The following TTC6 variants were observed in gnomAD, a reference collection of about 807,000 sequenced individuals.
TTC6 encodes tetratricopeptide repeat domain 6.
In TTC6, 172 loss-of-function variants were observed where a neutral mutation model predicts 210.4. The observed-to-expected ratio is 0.82, with a 90% confidence interval of 0.72 to 0.93. The LOEUF (loss-of-function observed/expected upper bound fraction) is 0.93, where lower values mean the gene tolerates loss of function less well. Ranked by LOEUF, TTC6 falls within the 40% of genes least tolerant of loss-of-function variation. The pLI is 0.00. For missense variants in TTC6, 2,414 were observed against 2,318.1 expected (o/e 1.04, Z -0.85); for synonymous variants, 804 against 819.6 (o/e 0.98, Z 0.32).
At chr14:37,819,479 G>C (rs1236598294) in intron 26 of TTC6, among the ~76,000 whole-genome samples, 2 of 152,008 alleles carry the variant, frequency 1.3e-5, no homozygotes, top group Non-Finnish European at 2.9e-5. Flanking sequence ...GTATATCTCT[G>C]GTTCTCACTC....
intron 7 of TTC6, among the ~76,000 whole-genome samples, chr14:37,735,324 G>A (rs2095898674): frequency 2.6e-5 from 4 of 151,994 alleles, no homozygotes; most frequent in African/African-American, 2.4e-5. Flanking sequence ...TAATCTACCC[G>A]GGTGTCGAAT....
intron 10 of TTC6, among the ~76,000 whole-genome samples, chr14:37,747,754 A>G (rs1192979627): frequency 2.0e-5 from 3 of 152,192 alleles, no homozygotes; most frequent in Middle Eastern, 3.2e-3. Flanking sequence ...ATGAATATGG[A>G]GGTGCAAACG....
intron 16 of TTC6, 142 bp downstream of exon 18, chr14:37,790,979 C>G: frequency 1.4e-6 from 1 of 705,736 alleles, no homozygotes; most frequent in Non-Finnish European, 2.2e-6. Context: ...AATTAGAATA[C>G]TACTTCTAAA....
At chr14:37,711,837 A>T (rs573113929) in intron 5 of TTC6, among the ~76,000 whole-genome samples, 72 of 152,236 alleles carry the variant, frequency 4.7e-4, no homozygotes, top group African/African-American at 1.6e-3. Flanking sequence ...GAGAGAAGAT[A>T]CAGTGAACAG....
At chr14:37,705,892 T>G (rs568780820) in intron 5 of TTC6, among the ~76,000 whole-genome samples, 95 of 152,244 alleles carry the variant, frequency 6.2e-4, no homozygotes, top group Admixed American at 1.2e-3. Context: ...GTTTTAGATC[T>G]TTGGTACTCA....
At chr14:37,732,977 G>A (rs2095891951) in intron 7 of TTC6, among the ~76,000 whole-genome samples, 1 of 152,140 alleles carries the variant, frequency 6.6e-6, no homozygotes, top group Non-Finnish European at 1.5e-5. Context: ...TGTTACAGGG[G>A]TGGCAGAGGT....
chr14:37,745,863 T>C (rs1235802450), intron 10 of TTC6, among the ~76,000 whole-genome samples: 1 of 152,150 alleles, frequency 6.6e-6, no homozygotes, highest in Non-Finnish European at 1.5e-5. Context: ...TGCCCAACCT[T>C]CCTGTTAAGA....
At chr14:37,683,051 A>G (rs2095787400) in intron 3 of TTC6, 87 bp downstream of exon 5, 2 of 1,205,028 alleles carry the variant, frequency 1.7e-6, no homozygotes, top group South Asian at 2.7e-5. Flanking sequence ...GCAAGGACCA[A>G]CGTATGGGGC....
chr14:37,655,291 AC>A (rs1261937093), intron 1 of TTC6, among the ~76,000 whole-genome samples: 4 of 152,244 alleles, frequency 2.6e-5, no homozygotes, highest in African/African-American at 9.6e-5. Context: ...AAGAGCAAAA[AC>A]AAAAAACCAT....
chr14:37,616,422 T>C (rs1014941356), intron 2 of TTC6, among the ~76,000 whole-genome samples: 2 of 152,206 alleles, frequency 1.3e-5, no homozygotes, highest in Non-Finnish European at 2.9e-5. Context: ...TTTACACAAA[T>C]GTTGACTTTC....
intron 1 of TTC6, among the ~76,000 whole-genome samples, chr14:37,672,646 C>T (rs1294026551): frequency 6.6e-6 from 1 of 152,128 alleles, no homozygotes; most frequent in Non-Finnish European, 1.5e-5. Context: ...TCTCCATAGC[C>T]TTCTGAAACG....
intron 10 of TTC6, among the ~76,000 whole-genome samples, chr14:37,744,336 G>A (rs1238367241): frequency 1.3e-5 from 2 of 152,194 alleles, no homozygotes; most frequent in Non-Finnish European, 2.9e-5. Context: ...ACATTAGGAA[G>A]TGACAAATGT....
chr14:37,763,313 G>C (rs2095990092), intron 14 of TTC6, among the ~76,000 whole-genome samples: 1 of 152,070 alleles, frequency 6.6e-6, no homozygotes, highest in Non-Finnish European at 1.5e-5. Context: ...TTAATAACAG[G>C]GTAATGCTGC....
intron 25 of TTC6, among the ~76,000 whole-genome samples, chr14:37,816,536 G>T (rs1359556671): frequency 6.6e-6 from 1 of 152,140 alleles, no homozygotes; most frequent in Non-Finnish European, 1.5e-5. Flanking sequence ...TGCTCTGCTT[G>T]ATCAAGTGAC....
intron 20 of TTC6, among the ~76,000 whole-genome samples, chr14:37,798,030 G>T (rs1179474862): frequency 6.6e-6 from 1 of 152,056 alleles, no homozygotes; most frequent in East Asian, 1.9e-4. Context: ...TACTGGCCCA[G>T]CAGTACAATG....
At chr14:37,676,095 C>A (rs1356692522) in intron 1 of TTC6, among the ~76,000 whole-genome samples, 1 of 151,884 alleles carries the variant, frequency 6.6e-6, no homozygotes, top group Non-Finnish European at 1.5e-5. Context: ...TTTTCTGTTG[C>A]GTGGTGATAT....
rs142235323 is a variant in TTC6 at position 37,626,263 on chromosome 14, G to A, written c.939+3260G>A. Among the ~76,000 whole-genome samples, 132 of 152,244 alleles carry A rather than the reference G, an allele frequency of 8.7e-4. 1 individual carries two copies. Among genetic ancestry groups the A allele is most frequent in the African/African-American group, 2.9e-3 (121 of 41,532 alleles). On this transcript the variant is annotated intron_variant, in intron 1 of 30. Coordinates refer to ENST00000553443, the Ensembl canonical transcript of TTC6. ...ACAAAAATACATTCTAATTACATGTGGCTGGGGTTCACAGACCACTTTCCA... is the reference window on the plus strand; with the variant it reads ...ACAAAAATACATTCTAATTACATGTAGCTGGGGTTCACAGACCACTTTCCA...
At chr14:37,764,792 A>C (rs1020972367) in intron 14 of TTC6, among the ~76,000 whole-genome samples, 5 of 152,094 alleles carry the variant, frequency 3.3e-5, no homozygotes, top group African/African-American at 1.2e-4. Flanking sequence ...TGTTAAGGAG[A>C]GATAACTCTG....
chr14:37,772,201 C>A (rs1201029685), intron 14 of TTC6, among the ~76,000 whole-genome samples: 1 of 152,212 alleles, frequency 6.6e-6, no homozygotes, highest in Non-Finnish European at 1.5e-5. Flanking sequence ...CCACTGCTCT[C>A]TTCAAAGCTG....
Sources: allele counts gnomAD v4.1 joint callset (sites outside exome capture counted in the v4.1 genomes callset), GRCh38; gene constraint gnomAD v4.1.1; transcripts MANE v1.5; gene names NCBI Gene and HGNC (gene_info 2026-07-23, HGNC 2026-07-21).